WSB2: variants seen among roughly 807,000 people sequenced by gnomAD.
The protein encoded by WSB2 is WD repeat and SOCS box-containing protein 2.
Under a neutral mutation model 48.8 loss-of-function variants are expected in WSB2, and 12 were observed. That is an observed-to-expected ratio of 0.25 (90% CI 0.16 to 0.40). WSB2 has a LOEUF of 0.40. Ranked by LOEUF, WSB2 falls within the 10% of genes least tolerant of loss-of-function variation. The pLI, the probability that WSB2 is intolerant of heterozygous loss-of-function variation, is 1.00. For synonymous variants in WSB2, 191 were observed against 203.1 expected (o/e 0.94, Z 0.51); for missense variants, 317 against 506.2 (o/e 0.63, Z 3.59).
chr12:118,049,855 C>A (rs1319233638), intron 2 of WSB2, among the ~76,000 whole-genome samples: 2 of 152,038 alleles, frequency 1.3e-5, no homozygotes, highest in Non-Finnish European at 2.9e-5. Flanking sequence ...GTTTCATATC[C>A]AACTTATAAA....
chr12:118,038,793 G>T (rs1038005702), intron 4 of WSB2, among the ~76,000 whole-genome samples: 4 of 152,098 alleles, frequency 2.6e-5, no homozygotes, highest in African/African-American at 9.7e-5. Flanking sequence ...CGATTCTCCT[G>T]CCTCAGCCTC....
intron 2 of WSB2, among the ~76,000 whole-genome samples, chr12:118,048,597 A>AC (rs1325886619): frequency 1.3e-5 from 2 of 151,038 alleles, no homozygotes; most frequent in Admixed American, 1.3e-4. Flanking sequence ...AAAAAAAAAA[A>AC]TGTGATTTTT....
At chr12:118,058,033 G>T (rs1245880483) in intron 1 of WSB2, among the ~76,000 whole-genome samples, 1 of 151,722 alleles carries the variant, frequency 6.6e-6, no homozygotes, top group Non-Finnish European at 1.5e-5. Context: ...ATGAGCCATT[G>T]CACCTGGCCC....
chr12:118,034,958 C>T (rs1313808450), intron 8 of WSB2, 28 bp downstream of exon 8: 2 of 1,600,360 alleles, frequency 1.2e-6, no homozygotes, highest in Admixed American at 3.3e-5. Context: ...GAAAGCACCA[C>T]CCATCTGTTC....
upstream of WSB2, chr12:118,062,151 G>A (rs77531942): frequency 8.0e-3 from 12,305 of 1,535,334 alleles, 776 homozygotes; most frequent in African/African-American, 0.14. Context: ...TGCTCTCCCT[G>A]TCTACCCGCA....
At chr12:118,036,621 A>G (rs1214578921) in intron 5 of WSB2, 111 bp from the exon 6 acceptor site, 2 of 1,144,108 alleles carry the variant, frequency 1.7e-6, no homozygotes, top group Non-Finnish European at 2.5e-6. Context: ...GCCAGGGCTG[A>G]TTCTCTATCC....
chr12:118,061,850 TGGGGAGGGG>T (rs1047248232), upstream of WSB2, among the ~76,000 whole-genome samples: 1 of 19,684 alleles, frequency 5.1e-5, no homozygotes, highest in African/African-American at 2.3e-4. Context: ...TAGGGGAAAA[TGGGGAGGGG>T]GTGGAAGGAA....
rs141091370 is a variant in WSB2 at position 118,045,425 on chromosome 12, C to T, written c.183-2048G>A. ...AAAATTAGAAGGGAGGGGCCGGGCA[C>T]GGTGGCTCACACCTGTAATTCCAGC... On this transcript the variant is annotated intron_variant, in intron 2 of 8. Transcript: ENST00000315436. 2.3e-3 allele frequency among the ~76,000 whole-genome samples: 354 copies of T among 151,744 alleles called. 1 individual carries two copies. The highest frequency in any genetic ancestry group is 7.8e-3 in the African/African-American group (323 of 41,416).
upstream of WSB2, among the ~76,000 whole-genome samples, chr12:118,061,631 G>A (rs374294553): frequency 2.6e-4 from 39 of 150,778 alleles, no homozygotes; most frequent in African/African-American, 9.3e-4. Context: ...CCAAGCAGGG[G>A]AAGCGGCGAT....
chr12:118,036,404 G>T lies in WSB2; in HGVS notation c.767C>A (p.Thr256Lys). 1 of 1,614,210 alleles carries T rather than the reference G, an allele frequency of 6.2e-7. No homozygotes were observed. The change falls in exon 6 of 9, where the codon ACG becomes AAG. Residue 256 changes from threonine (T) to lysine (K), a missense_variant. Physicochemically the swap from Thr to Lys is moderately conservative, Grantham distance 78. Transcript: ENST00000315436. Reference protein sequence around the residue: ...DFSPDSALLVTASYDTNVIMW... With the variant: ...DFSPDSALLVKASYDTNVIMW... ...AATCACATTGGTATCGTAAGAAGCCGTGACAAGCAGGGCAGAGTCGGGGGA... is the reference window on the plus strand; with the variant it reads ...AATCACATTGGTATCGTAAGAAGCCTTGACAAGCAGGGCAGAGTCGGGGGA...
At chr12:118,045,304 G>A (rs1158309455) in intron 2 of WSB2, among the ~76,000 whole-genome samples, 2 of 151,096 alleles carry the variant, frequency 1.3e-5, no homozygotes, top group Non-Finnish European at 2.9e-5. Context: ...GGCGGAGCTT[G>A]CAGTGAGCTG....
chr12:118,036,748 A>G (rs900331793), intron 5 of WSB2, among the ~76,000 whole-genome samples: 1 of 152,226 alleles, frequency 6.6e-6, no homozygotes, highest in Non-Finnish European at 1.5e-5. Context: ...GAGAGAATAA[A>G]CCAGATCAGC....
At chr12:118,051,278 T>C (rs1434962133) in intron 2 of WSB2, among the ~76,000 whole-genome samples, 1 of 152,148 alleles carries the variant, frequency 6.6e-6, no homozygotes, top group Non-Finnish European at 1.5e-5. Context: ...TGGAAAACAG[T>C]CTGACACCTC....
rs1566138553 is a variant in WSB2, at chr12:118,043,260, G to A, written c.300C>T (p.Ser100=). Residue 100 remains serine (S), a synonymous_variant, in exon 3 of 9, where the codon AGC becomes AGT. Coordinates refer to ENST00000315436, the MANE Select transcript of WSB2 (RefSeq NM_018639.5). Reference sequence around the variant, plus strand: ...TCCTGCTGGGTGGGGAAGGCCACGGGCTGAAGGCCAGCCCCCAGACAATCT... The same window carrying A: ...TCCTGCTGGGTGGGGAAGGCCACGGACTGAAGGCCAGCCCCCAGACAATCT... The part of the protein sequence containing the change: ...CGQIVWGLAF[S]PWPSPPSRKL... The A allele has an allele frequency of 6.2e-7, 1 of 1,614,222 alleles. No individual in the cohort carries two copies. The highest frequency in any genetic ancestry group is 8.5e-7 in the Non-Finnish European group (1 of 1,180,030).
intron 4 of WSB2, chr12:118,042,557 T>C: frequency 3.1e-6 from 1 of 322,348 alleles, no homozygotes; most frequent in Non-Finnish European, 5.6e-6. Context: ...ATACAAAGCA[T>C]AGACATGCAT....
rs763296549 is a variant in WSB2 at position 118,035,313 on chromosome 12, A to G, written c.845T>C (p.Val282Ala). Reference protein sequence around the residue: ...ERLRSLHHTQVDPAMDDSDVH... With the variant: ...ERLRSLHHTQADPAMDDSDVH... ...GTCACTGTCATCCATGGCGGGGTCA[A>G]CCTGGGTGTGGCTGGGAAGGAAAGA... Residue 282 changes from valine to alanine, a missense_variant, in exon 7 of 9, where the codon GTT (valine) becomes GCT (alanine). Val to Ala is a moderately conservative substitution (Grantham distance 64, BLOSUM62 0). This residue lies in a region of WSB2 where 189 missense variants were observed against 349.6 expected (regional missense o/e 0.54). Coordinates refer to ENST00000315436, the MANE Select transcript of WSB2 (RefSeq NM_018639.5). 6.2e-7 allele frequency: 1 copy of G among 1,614,128 alleles called. No individual in the cohort carries two copies. The highest frequency in any genetic ancestry group is 1.1e-5 in the South Asian group (1 of 91,084).
Position 118,052,438 on chromosome 12 carries a change from G to A in WSB2, c.54C>T (p.Pro18=), listed in dbSNP as rs770850721. 6 of 1,614,092 alleles carry A rather than the reference G, an allele frequency of 3.7e-6. No individual in the cohort carries two copies. Reference sequence around the variant, plus strand: ...AGCTGGACTTCCAATCAAACTGGTGGGGGCGCCCGGGCTTGAGTTCGGCCA... The same window carrying A: ...AGCTGGACTTCCAATCAAACTGGTGAGGGCGCCCGGGCTTGAGTTCGGCCA... ...LLLAELKPGR[P]HQFDWKSSCE... The change falls in exon 2 of 9, where the codon CCC becomes CCT. Residue 18 remains proline (P), a synonymous_variant. Coordinates refer to ENST00000315436, the MANE Select transcript of WSB2 (RefSeq NM_018639.5).
intron 5 of WSB2, among the ~76,000 whole-genome samples, chr12:118,037,593 G>A (rs139990136): frequency 0.11 from 16,830 of 151,418 alleles, 1,170 homozygotes; most frequent in Non-Finnish European, 0.15. Context: ...GCTTGAACCC[G>A]GGAAGCGGAG....
rs1366720276 is a variant in WSB2 at position 118,035,152 on chromosome 12, C to G, written c.945-59G>C. The G allele has an allele frequency of 2.5e-6, 4 of 1,612,132 alleles. No individual in the cohort carries two copies. The Admixed American group carries it at 6.7e-5, about 27-fold the overall frequency. Reference sequence around the variant, plus strand: ...TGACCCAGGGCCAGACCAAGAGGGCCTTGCTGCCATTACTTGCAAGCACTT... The same window carrying G: ...TGACCCAGGGCCAGACCAAGAGGGCGTTGCTGCCATTACTTGCAAGCACTT... On this transcript the variant is annotated intron_variant, in intron 7 of 8. Coordinates refer to ENST00000315436, the MANE Select transcript of WSB2 (RefSeq NM_018639.5).
Sources: gnomAD v4.1 joint callset for allele counts (sites outside exome capture counted in the v4.1 genomes callset) on GRCh38, gnomAD v4.1.1 for gene constraint, gnomAD v4.1.1 regional missense constraint, MANE v1.5 for transcripts, NCBI Gene and HGNC (gene_info 2026-07-23, HGNC 2026-07-21) for gene names.